The following FARSB variants were observed in gnomAD, a reference collection of about 807,000 sequenced individuals.
The protein encoded by FARSB is phenylalanine--tRNA ligase beta subunit.
Under a neutral mutation model 69.6 loss-of-function variants are expected in FARSB, and 40 were observed. The ratio of observed to expected loss-of-function variants is 0.57; its 90% CI spans 0.45 to 0.75. The LOEUF is 0.75. FARSB is among the 30% of genes least tolerant of loss of function. The probability of loss-of-function intolerance (pLI) is 0.00; values close to 1 mark genes in which losing one functional copy is unlikely to be tolerated. For synonymous variants in FARSB, 235 were observed against 247.2 expected, an observed-to-expected ratio of 0.95 and a Z score of 0.46; for missense variants, 632 against 722.9, an observed-to-expected ratio of 0.87 and a Z score of 1.44.
intron 15 of FARSB, among the ~76,000 whole-genome samples, chr2:222,604,166 C>T (rs1690640846): frequency 1.3e-5 from 2 of 150,282 alleles, no homozygotes; most frequent in Admixed American, 1.3e-4. Context: ...TGCAGTGAAC[C>T]GAGATCACGC....
rs766694961 is a variant in FARSB, at chr2:222,634,472, T to G, written c.525A>C (p.Ala175=). The G allele has an allele frequency of 6.2e-7, 1 of 1,612,886 alleles. No homozygotes were observed. The part of the protein sequence containing the change: ...DTLSGPFTYT[A]KRPSDIKFKP... ...TGAATTTGATATCTGAAGGACGCTT[T>G]GCAGTATAAGTAAATGGGCCCGACA... Residue 175 remains alanine, a synonymous_variant, in exon 6 of 17, where the codon GCA becomes GCC. Coordinates refer to ENST00000281828, the MANE Select transcript of FARSB (RefSeq NM_005687.5).
At chr2:222,616,728 T>C (rs1399381373) in intron 14 of FARSB, among the ~76,000 whole-genome samples, 1 of 152,028 alleles carries the variant, frequency 6.6e-6, no homozygotes, top group Non-Finnish European at 1.5e-5. Context: ...TCTTGCCCAT[T>C]CTCCAACATA....
At chr2:222,623,778 T>C in intron 12 of FARSB, 48 bp from the exon 13 acceptor site, 1 of 1,174,168 alleles carries the variant, frequency 8.5e-7, no homozygotes, top group Non-Finnish European at 1.3e-6. Flanking sequence ...ATTTCTTGTT[T>C]TTTAAAAGGG....
chr2:222,636,385 CAAA>C (rs34295305), intron 5 of FARSB, among the ~76,000 whole-genome samples: 4 of 96,706 alleles, frequency 4.1e-5, no homozygotes, highest in Admixed American at 1.2e-4. Context: ...GACTCTATCT[CAAA>C]AAAAAAAAAA....
intron 1 of FARSB, among the ~76,000 whole-genome samples, chr2:222,651,114 G>A (rs1278804268): frequency 6.6e-6 from 1 of 152,188 alleles, no homozygotes; most frequent in Non-Finnish European, 1.5e-5. Flanking sequence ...CTTTGGTAAG[G>A]ATGCAGGTGA....
intron 16 of FARSB, among the ~76,000 whole-genome samples, chr2:222,577,001 A>C (rs1462383288): frequency 6.6e-6 from 1 of 152,182 alleles, no homozygotes; most frequent in African/African-American, 2.4e-5. Context: ...CAGTTTTTTG[A>C]GGGCACCGAT....
chr2:222,648,930 AT>A, intron 1 of FARSB, 135 bp from the exon 2 acceptor site: 1 of 705,382 alleles, frequency 1.4e-6, no homozygotes, highest in Non-Finnish European at 2.6e-6. Context: ...ACATATTATC[AT>A]TTAAAAACAA....
At chr2:222,582,376 ACACACACACAGGTGTGTG>A (rs1689991671) in intron 16 of FARSB, among the ~76,000 whole-genome samples, 1 of 151,996 alleles carries the variant, frequency 6.6e-6, no homozygotes, top group Non-Finnish European at 1.5e-5. Flanking sequence ...GAATATGAAC[ACACACACACAGGTGTGTG>A]CACACATACA....
Position 222,631,589 on chromosome 2 carries a change from A to G in FARSB, c.786+15T>C, listed in dbSNP as rs773924113. The G allele has an allele frequency of 7.2e-7, 1 of 1,394,240 alleles. No homozygotes were observed. Among genetic ancestry groups the G allele is most frequent in the South Asian group, 1.2e-5 (1 of 85,268 alleles). 86.4% of individuals were successfully genotyped at this position (1,394,240 alleles called of 1,614,324 possible). ...CCAGCTGATCATACAAAAATTGAGT[A>G]AAAGTTTTACTTACCTTAGTAAAGT... On this transcript the variant is annotated intron_variant, in intron 8 of 16. Coordinates refer to ENST00000281828, the MANE Select transcript of FARSB (RefSeq NM_005687.5).
Position 222,641,319 on chromosome 2 carries a change from G to A in FARSB, c.270-388C>T, listed in dbSNP as rs894899484. On this transcript the variant is annotated intron_variant, in intron 3 of 16. Transcript: ENST00000281828. ...TTCTGAGCTTCTAGGAAGAAACAGA[G>A]CTTATGGAAAATACAGATTCCCTGG... Among the ~76,000 whole-genome samples the A allele has an allele frequency of 2.6e-5, 4 of 152,176 alleles. No individual in the cohort carries two copies. In the East Asian group the frequency reaches 5.8e-4, roughly 22 times the overall value.
At chr2:222,651,657 G>A (rs1231642057) in intron 1 of FARSB, among the ~76,000 whole-genome samples, 1 of 152,220 alleles carries the variant, frequency 6.6e-6, no homozygotes, top group Non-Finnish European at 1.5e-5. Flanking sequence ...ATATTTCAGA[G>A]ATGTGTAGGT....
intron 16 of FARSB, among the ~76,000 whole-genome samples, chr2:222,581,772 G>T (rs544578184): frequency 6.6e-6 from 1 of 152,280 alleles, no homozygotes; most frequent in South Asian, 2.1e-4. Context: ...AAGAAATAAG[G>T]AAGAAGACAG....
intron 14 of FARSB, among the ~76,000 whole-genome samples, chr2:222,615,646 G>A (rs1455303397): frequency 2.6e-5 from 4 of 152,138 alleles, no homozygotes; most frequent in Non-Finnish European, 4.4e-5. Flanking sequence ...CTGCTCAAAT[G>A]TTCTCTCCTA....
Position 222,571,332 on chromosome 2 carries a change from T to C in FARSB, c.*539A>G, listed in dbSNP as rs1689711856. ...TACAGATTTTTCTTTCACTTTAAAC[T>C]GACCTCAGAAGCTATAATTGTTGGA... On this transcript the variant is annotated 3_prime_UTR_variant, in exon 17 of 17. Coordinates refer to ENST00000281828, the MANE Select transcript of FARSB (RefSeq NM_005687.5). The C allele has an allele frequency of 6.6e-6, 1 of 152,292 alleles. No homozygotes were observed. Among genetic ancestry groups the C allele is most frequent in the African/African-American group, 2.4e-5 (1 of 41,466 alleles). 9.4% of individuals were successfully genotyped at this position (152,292 alleles called of 1,614,324 possible). A position where few individuals can be genotyped will look rare whatever the true frequency, so the allele number is the denominator to read the frequency against.
intron 9 of FARSB, among the ~76,000 whole-genome samples, chr2:222,629,190 T>C (rs1691354321): frequency 6.6e-6 from 1 of 152,116 alleles, no homozygotes; most frequent in African/African-American, 2.4e-5. Flanking sequence ...TTCTAGGCTT[T>C]ACCAGGGCAG....
At position 222,623,695 on chromosome 2, in the gene FARSB, A is replaced by T. The variant is rs1429770794; in HGVS notation, c.1206T>A (p.His402Gln). The T allele has an allele frequency of 1.2e-6, 2 of 1,612,388 alleles. No homozygotes were observed. The highest frequency in any genetic ancestry group is 2.2e-5 in the East Asian group (1 of 44,868). Residue 402 changes from histidine to glutamine, a missense_variant, in exon 13 of 17, where the codon CAT (histidine) becomes CAA (glutamine). His to Gln is a conservative substitution (Grantham distance 24). Transcript: ENST00000281828. ...CAGTGAAGCCAGCGGCTGCCATGTC[A>T]TGTCGGAGAAGTTCAGTGAGCTTAT... is the stretch of plus-strand genomic sequence containing the variant. The part of the protein sequence containing the change: ...PLNKLTELLR[H>Q]DMAAAGFTEA...
intron 14 of FARSB, among the ~76,000 whole-genome samples, chr2:222,618,385 G>C (rs925202874): frequency 2.0e-5 from 3 of 152,166 alleles, no homozygotes; most frequent in South Asian, 4.1e-4. Context: ...TTTCAAATCA[G>C]AATTCAGATA....
intron 1 of FARSB, among the ~76,000 whole-genome samples, chr2:222,652,640 G>T (rs552119415): frequency 6.6e-6 from 1 of 152,312 alleles, no homozygotes; most frequent in East Asian, 1.9e-4. Context: ...ACTGAGGTTT[G>T]CCAACAACCA....
At chr2:222,578,406 A>T (rs1689886660) in intron 16 of FARSB, among the ~76,000 whole-genome samples, 1 of 152,264 alleles carries the variant, frequency 6.6e-6, no homozygotes, top group South Asian at 2.1e-4. Context: ...ACTATATGAG[A>T]TTGTATCCAA....
Sources: gnomAD v4.1 joint callset for allele counts (sites outside exome capture counted in the v4.1 genomes callset) on GRCh38, gnomAD v4.1.1 for gene constraint, MANE v1.5 for transcripts, NCBI Gene and HGNC (gene_info 2026-07-23, HGNC 2026-07-21) for gene names.